The following MTG1 variants were observed in gnomAD, a reference collection of about 807,000 sequenced individuals.
MTG1 encodes the protein mitochondrial ribosome associated GTPase 1.
Under a neutral mutation model 39.5 loss-of-function variants are expected in MTG1, and 30 were observed. The observed-to-expected ratio is 0.76, with a 90% CI of 0.57 to 1.03. The LOEUF is 1.03. Among genes scored for constraint, MTG1 ranks in the 50% least tolerant of loss-of-function variants. The pLI, the probability that MTG1 is intolerant of heterozygous loss-of-function variation, is 0.00. For synonymous variants in MTG1, 217 were observed against 179.0 expected (o/e 1.21, Z -1.69); for missense variants, 513 against 447.4 (o/e 1.15, Z -1.32).
At chr10:133,416,387 TA>T (rs149480609) in intron 9 of MTG1, among the ~76,000 whole-genome samples, 19,990 of 123,606 alleles carry the variant, frequency 0.16, 1,601 homozygotes, top group East Asian at 0.3. Context: ...TATATATATA[TA>T]TTTTTCTTTT....
At chr10:133,397,968 T>C (rs1166723931) in intron 3 of MTG1, among the ~76,000 whole-genome samples, 1 of 151,780 alleles carries the variant, frequency 6.6e-6, no homozygotes, top group East Asian at 1.9e-4. Context: ...GGGAGAGAGG[T>C]AGACTTGCCC....
At chr10:133,415,291 C>T (rs1336597008) in intron 9 of MTG1, among the ~76,000 whole-genome samples, 1 of 152,200 alleles carries the variant, frequency 6.6e-6, no homozygotes, top group African/African-American at 2.4e-5. Flanking sequence ...AGGTTTCCTT[C>T]TGGTGTGATT....
At position 133,402,579 on chromosome 10, in the gene MTG1, C is replaced by G. The variant is rs932523418; in HGVS notation, c.671-113C>G. 44 of 990,668 alleles carry G rather than the reference C, an allele frequency of 4.4e-5. No individual in the cohort carries two copies. Among genetic ancestry groups the G allele is most frequent in the Non-Finnish European group, 6.0e-5 (40 of 663,226 alleles). 61.4% of individuals were successfully genotyped at this position (990,668 alleles called of 1,614,324 possible). A position where few individuals can be genotyped will look rare whatever the true frequency, so the allele number is the denominator to read the frequency against. On this transcript the variant is annotated intron_variant, in intron 8 of 10. Transcript: ENST00000317502. The surrounding 1 kb of genome is among the most constrained non-coding windows in gnomAD (Gnocchi z 4.7). Reference sequence around the variant, plus strand: ...GTTAGTGTCTTTGTCAGTGGCTGGCCTCTTCCTCACGGCACGGTGTCTTTG... The same window carrying G: ...GTTAGTGTCTTTGTCAGTGGCTGGCGTCTTCCTCACGGCACGGTGTCTTTG...
At chr10:133,409,435 C>T (rs1014108171) in intron 9 of MTG1, among the ~76,000 whole-genome samples, 2 of 152,178 alleles carry the variant, frequency 1.3e-5, no homozygotes, top group Admixed American at 6.5e-5. Flanking sequence ...GAAACTTGTT[C>T]TGTGGCCTAA....
intron 5 of MTG1, 135 bp from the exon 6 acceptor site, chr10:133,399,394 G>T: frequency 4.2e-6 from 5 of 1,186,914 alleles, no homozygotes; most frequent in Middle Eastern, 4.8e-4. Flanking sequence ...CCGCTGGGTG[G>T]GCAGAGCCTC....
rs77129711 is a variant in MTG1 at position 133,419,396 on chromosome 10, G to T, written c.753-84G>T. ...GAGGTGCCTGGCCGTGGCCTTTGTGGCATTCAGGAGGAAGGGCCCGGCCTG... is the reference window on the plus strand; with the variant it reads ...GAGGTGCCTGGCCGTGGCCTTTGTGTCATTCAGGAGGAAGGGCCCGGCCTG... On this transcript the variant is annotated intron_variant, in intron 9 of 10. Coordinates refer to ENST00000317502, the MANE Select transcript of MTG1 (RefSeq NM_138384.4). The T allele has an allele frequency of 4.6e-5, 54 of 1,170,626 alleles. 1 individual carries two copies. The East Asian group carries it at 1.3e-3, about 28-fold the overall frequency. The allele number at this position is 1,170,626 out of a possible 1,614,324, so 72.5% of individuals were successfully genotyped here.
At position 133,420,219 on chromosome 10, in the gene MTG1, T is replaced by G; in HGVS notation, c.*54T>G. 6.5e-7 allele frequency: 1 copy of G among 1,546,484 alleles called. No homozygotes were observed. Among genetic ancestry groups the G allele is most frequent in the South Asian group, 1.2e-5 (1 of 82,420 alleles). ...ATGTGGCCTCCCAGACCTCCTGACCTGGGTGGTTGAGGCTCAAGACAGCTC... is the reference window on the plus strand; with the variant it reads ...ATGTGGCCTCCCAGACCTCCTGACCGGGGTGGTTGAGGCTCAAGACAGCTC... On this transcript the variant is annotated 3_prime_UTR_variant, in exon 11 of 11. Transcript: ENST00000317502.
At chr10:133,412,285 C>T (rs571908185) in intron 9 of MTG1, among the ~76,000 whole-genome samples, 69 of 152,064 alleles carry the variant, frequency 4.5e-4, no homozygotes, top group African/African-American at 1.1e-3. Flanking sequence ...ATTAACTCTT[C>T]GCTATTTTTG....
In MTG1 at chr10:133,395,725, T is replaced by C. The variant is rs962645352; in HGVS notation, c.125T>C (p.Met42Thr). 7 of 1,614,096 alleles carry C rather than the reference T, an allele frequency of 4.3e-6. No individual in the cohort carries two copies. The highest frequency in any genetic ancestry group is 5.1e-6 in the Non-Finnish European group (6 of 1,180,000). The change falls in exon 2 of 11, where the codon ATG becomes ACG. Residue 42 changes from methionine to threonine, a missense_variant. Met to Thr is a moderately conservative substitution (Grantham distance 81). Coordinates refer to ENST00000317502, the MANE Select transcript of MTG1 (RefSeq NM_138384.4). ...TTCTGTTTTCCAGGGCTGAAGAAGA[T>C]GCAGAGCAGCCTGAAGCTGGTGGAC... ...PGHMAKGLKKMQSSLKLVDCI... is the reference protein window; with the variant it reads ...PGHMAKGLKKTQSSLKLVDCI...
intron 3 of MTG1, among the ~76,000 whole-genome samples, chr10:133,396,574 C>T (rs990529805): frequency 1.3e-5 from 2 of 152,130 alleles, no homozygotes; most frequent in African/African-American, 4.8e-5. Context: ...CACCCAGGTG[C>T]CGAGGCAAGA....
chr10:133,402,243 G>C lies in MTG1; in HGVS notation c.668G>C (p.Cys223Ser). 1 of 1,606,512 alleles carries C rather than the reference G, an allele frequency of 6.2e-7. No homozygotes were observed. The highest frequency in any genetic ancestry group is 2.2e-5 in the East Asian group (1 of 44,572). ...GAGACAGGCCTGAAGCTGGCCCTGT[G>C]TGGTGAGCCGGGGCTGGGGCTGGGG... ...SVETGLKLAL[C>S]GTVLDHLVGE... is the part of the protein sequence containing the mutation. Residue 223 changes from cysteine (C) to serine (S), a missense_variant and splice_region_variant, in exon 8 of 11, where the codon TGT becomes TCT. Physicochemically the swap from Cys to Ser is moderately radical, Grantham distance 112. Coordinates refer to ENST00000317502, the MANE Select transcript of MTG1 (RefSeq NM_138384.4). The surrounding 1 kb of genome is among the most constrained non-coding windows in gnomAD (Gnocchi z 4.7).
chr10:133,405,440 A>T (rs569887028), intron 9 of MTG1, among the ~76,000 whole-genome samples: 10 of 152,284 alleles, frequency 6.6e-5, no homozygotes, highest in African/African-American at 2.2e-4. Context: ...TATCCTGTAG[A>T]TTCCTGTTAA....
intron 9 of MTG1, among the ~76,000 whole-genome samples, chr10:133,414,351 A>G (rs992319220): frequency 6.6e-6 from 1 of 152,066 alleles, no homozygotes; most frequent in African/African-American, 2.4e-5. Context: ...CGATTTCTCA[A>G]TCTTTTCCCC....
intron 6 of MTG1, among the ~76,000 whole-genome samples, chr10:133,400,019 C>A (rs146579315): frequency 6.6e-6 from 1 of 152,144 alleles, no homozygotes; most frequent in East Asian, 1.9e-4. Flanking sequence ...GGTGAAACCC[C>A]GTCTCTACTA....
intron 9 of MTG1, among the ~76,000 whole-genome samples, chr10:133,409,363 T>TA (rs1850012460): frequency 6.6e-6 from 1 of 152,268 alleles, no homozygotes; most frequent in African/African-American, 2.4e-5. Flanking sequence ...TTCCTCTTGT[T>TA]ACTGCTTTCT....
intron 9 of MTG1, among the ~76,000 whole-genome samples, chr10:133,418,244 T>A (rs530452849): frequency 6.6e-5 from 10 of 152,328 alleles, no homozygotes; most frequent in African/African-American, 2.4e-4. Context: ...TGACCTCAAG[T>A]GATCCGTCCA....
In MTG1 at chr10:133,399,196, T is replaced by G. The variant is rs767966705; in HGVS notation, c.390T>G (p.Ile130Met). Residue 130 changes from isoleucine (I) to methionine (M), a missense_variant, in exon 5 of 11, where the codon ATT (isoleucine) becomes ATG (methionine). Transcript: ENST00000317502. ...KQIIPMVTEL[I>M]GRSHRYHRKE... ...TCATCCCGATGGTCACTGAACTGAT[T>G]GGGAGAAGCCACCGCTACCACCGAA... 6 of 1,613,892 alleles carry G rather than the reference T, an allele frequency of 3.7e-6. No homozygotes were observed. The highest frequency in any genetic ancestry group is 2.7e-5 in the African/African-American group (2 of 74,850).
At chr10:133,405,563 C>T (rs1849958322) in intron 9 of MTG1, among the ~76,000 whole-genome samples, 1 of 152,198 alleles carries the variant, frequency 6.6e-6, no homozygotes, top group South Asian at 2.1e-4. Flanking sequence ...ACGTTTTTAG[C>T]TCCCACATTT....
At chr10:133,406,815 C>T (rs1422804528) in intron 9 of MTG1, among the ~76,000 whole-genome samples, 1 of 152,014 alleles carries the variant, frequency 6.6e-6, no homozygotes, top group Non-Finnish European at 1.5e-5. Context: ...CAGGTGCCCG[C>T]CACCATACCT....
Sources: allele counts gnomAD v4.1 joint callset (sites outside exome capture counted in the v4.1 genomes callset), GRCh38; gene constraint gnomAD v4.1.1; non-coding constraint Gnocchi (gnomAD v3.1); transcripts MANE v1.5; gene names NCBI Gene and HGNC (gene_info 2026-07-23, HGNC 2026-07-21).